The following DAPK3 variants were observed in gnomAD, a reference collection of about 807,000 sequenced individuals.
DAPK3 encodes death associated protein kinase 3.
DAPK3 carries 24 observed loss-of-function variants against 30.6 expected under a neutral mutation model. The ratio of observed to expected loss-of-function variants is 0.78; its 90% CI spans 0.57 to 1.10. The LOEUF is 1.10. DAPK3 is among the 50% of genes least tolerant of loss of function. The pLI, the probability that DAPK3 is intolerant of heterozygous loss-of-function variation, is 0.00. For synonymous variants in DAPK3, 341 were observed against 284.0 expected (o/e 1.20, Z -2.02); for missense variants, 629 against 657.3 (o/e 0.96, Z 0.47).
At chr19:3,960,320 G>A (rs576388981) in intron 7 of DAPK3, among the ~76,000 whole-genome samples, 6 of 152,248 alleles carry the variant, frequency 3.9e-5, no homozygotes, top group South Asian at 2.1e-4. Flanking sequence ...AAACCCAGGC[G>A]CCCGAGAGAG....
rs756412195 is a variant in DAPK3, at chr19:3,965,003, G to A, written c.63-12C>T. The A allele has an allele frequency of 4.5e-6, 7 of 1,551,888 alleles. 1 individual carries two copies. The South Asian group carries it at 6.7e-5, about 15-fold the overall frequency. On this transcript the variant is annotated splice_polypyrimidine_tract_variant and intron_variant, in intron 2 of 8. Transcript: ENST00000545797. ...TCGCAAACTGGCCGCTGGAGGAGGGGGAGGGAGTGAGTGGGGGTGGAGGAG... is the reference window on the plus strand; with the variant it reads ...TCGCAAACTGGCCGCTGGAGGAGGGAGAGGGAGTGAGTGGGGGTGGAGGAG...
intron 8 of DAPK3, 53 bp downstream of exon 8, chr19:3,960,006 A>T (rs2039487662): frequency 1.0e-6 from 1 of 1,003,472 alleles, no homozygotes. Flanking sequence ...CCGGGACCCC[A>T]GCGAGAAGGC....
chr19:3,961,385 T>C, intron 6 of DAPK3: 1 of 690,288 alleles, frequency 1.4e-6, no homozygotes, highest in Non-Finnish European at 2.8e-6. Flanking sequence ...GCAGCAGAAA[T>C]GAACAGGCAG....
At position 3,964,946 on chromosome 19, in the gene DAPK3, G is replaced by C. The variant is rs2039560990; in HGVS notation, c.108C>G (p.Gly36=). Residue 36 remains glycine (G), a synonymous_variant, in exon 3 of 9, where the codon GGC becomes GGG. Transcript: ENST00000545797. ...IVRKCRQKGT[G]KEYAAKFIKK... ...TGATGAACTTGGCTGCGTACTCCTT[G>C]CCCGTGCCCTTCTGCCGGCACTTCC... The C allele has an allele frequency of 2.5e-6, 4 of 1,611,618 alleles. No homozygotes were observed. In the African/African-American group the frequency reaches 5.3e-5, roughly 22 times the overall value.
intron 6 of DAPK3, among the ~76,000 whole-genome samples, chr19:3,962,589 G>A (rs371877904): frequency 2.3e-4 from 35 of 152,072 alleles, no homozygotes; most frequent in South Asian, 1.0e-3. Context: ...CAGCCTGACC[G>A]AAATGGTGAA....
intron 2 of DAPK3, among the ~76,000 whole-genome samples, chr19:3,966,726 C>G (rs1273191698): frequency 6.6e-6 from 1 of 152,190 alleles, no homozygotes; most frequent in Non-Finnish European, 1.5e-5. Flanking sequence ...ACCTGGACAA[C>G]CTGGTTCTGT....
At position 3,968,675 on chromosome 19, in the gene DAPK3, G is replaced by A. The variant is rs1390483190; in HGVS notation, c.62+999C>T. Among the ~76,000 whole-genome samples the A allele has an allele frequency of 6.6e-5, 10 of 152,308 alleles. No individual in the cohort carries two copies. The East Asian group carries it at 1.5e-3, about 24-fold the overall frequency. On this transcript the variant is annotated intron_variant, in intron 2 of 8. Transcript: ENST00000545797. ...AGGGGTCAACACTGAAGCATGAGAA[G>A]GGGGAGGAGGGAGCATGCTTTCTCT...
In DAPK3 at chr19:3,963,888, GC is replaced by G; in HGVS notation, c.584del (p.Gly195AlafsTer17). ...APEIVNYEPL[G>X]LEADMWSIGV... Reference sequence around the variant, plus strand: ...ACACTCACCACATGTCCGCCTCCAGGCCCAGCGGCTCATAGTTCACAATCTC... The same window carrying G: ...ACACTCACCACATGTCCGCCTCCAGGCCAGCGGCTCATAGTTCACAATCTC... On this transcript the variant is annotated frameshift_variant, in exon 5 of 9. Transcript: ENST00000545797. LOFTEE classifies it high-confidence loss of function. The G allele has an allele frequency of 6.2e-7, 1 of 1,603,476 alleles. No homozygotes were observed. Among genetic ancestry groups the G allele is most frequent in the Admixed American group, 1.7e-5 (1 of 59,656 alleles).
Position 3,969,831 on chromosome 19 carries a change from T to C in DAPK3, c.-94-2A>G, listed in dbSNP as rs2039616468. On this transcript the variant is annotated splice_acceptor_variant, in intron 1 of 8. Transcript: ENST00000545797. LOFTEE classifies it low-confidence loss of function (5UTR_SPLICE). ...CTCAGGAGTCCCCTAATGGCAACCC[T>C]GGAGAAGACAGGGAAAGACAGAAGT... 1.2e-6 allele frequency: 1 copy of C among 809,306 alleles called. No homozygotes were observed. The highest frequency in any genetic ancestry group is 1.4e-5 in the South Asian group (1 of 70,924). The allele number at this position is 809,306 out of a possible 1,614,324, so 50.1% of individuals were successfully genotyped here.
Position 3,963,050 on chromosome 19 carries a change from A to G in DAPK3, c.629+593T>C, listed in dbSNP as rs530440644. Among the ~76,000 whole-genome samples the G allele has an allele frequency of 3.0e-4, 45 of 151,970 alleles. No homozygotes were observed. In the South Asian group the frequency reaches 8.9e-3, roughly 30 times the overall value. On this transcript the variant is annotated intron_variant, in intron 6 of 8. Transcript: ENST00000545797. ...CTGGGAGGTGGGGGTTGCAGTGAGC[A>G]GCTGAGATCGCACCACTGCACTCCA...
At chr19:3,964,574 C>CCCCCAA in intron 3 of DAPK3, 57 bp downstream of exon 3, 1 of 1,483,572 alleles carries the variant, frequency 6.7e-7, no homozygotes, top group Non-Finnish European at 9.1e-7. Flanking sequence ...CTCTTCCCCG[C>CCCCCAA]CCCATCCCCA....
chr19:3,961,295 G>A, intron 6 of DAPK3, 134 bp from the exon 7 acceptor site: 2 of 765,360 alleles, frequency 2.6e-6, no homozygotes, highest in Non-Finnish European at 4.6e-6. Flanking sequence ...ACACTCCTGA[G>A]CCCTTAGAAC....
chr19:3,961,959 T>C lies in DAPK3; in HGVS notation c.630-798A>G, dbSNP rs911440646. The C allele has an allele frequency of 7.3e-5, 12 of 164,118 alleles. No homozygotes were observed. In the East Asian group the frequency reaches 1.7e-3, roughly 23 times the overall value. 10.2% of individuals were successfully genotyped at this position (164,118 alleles called of 1,614,324 possible). A position where few individuals can be genotyped will look rare whatever the true frequency, so the allele number is the denominator to read the frequency against. On this transcript the variant is annotated intron_variant, in intron 6 of 8. Transcript: ENST00000545797. ...CTGCAAACTCCATCTCCTGGGTTCA[T>C]GCCATTCTCCTGCCTCAGCCTCCTG...
At chr19:3,962,429 C>T (rs918737588) in intron 6 of DAPK3, among the ~76,000 whole-genome samples, 1 of 152,190 alleles carries the variant, frequency 6.6e-6, no homozygotes, top group Non-Finnish European at 1.5e-5. Flanking sequence ...ATGAGCTATG[C>T]CCATTCAATA....
chr19:3,959,548 G>A lies in DAPK3; in HGVS notation c.918C>T (p.Thr306=), dbSNP rs993029019. 15 of 1,580,326 alleles carry A rather than the reference G, an allele frequency of 9.5e-6. No individual in the cohort carries two copies. In the East Asian group the frequency reaches 2.7e-4, roughly 29 times the overall value. The stretch of plus-strand genomic sequence containing the variant: ...GCGGCAAGCTGGAGTGCGACTTGAT[G>A]GTGTACTCCTTCAGACGCGTGGTCT... The part of the protein sequence containing the change: ...RLKTTRLKEY[T]IKSHSSLPPN... Residue 306 remains threonine (T), a synonymous_variant, in exon 9 of 9, where the codon ACC becomes ACT. Coordinates refer to ENST00000545797, the MANE Select transcript of DAPK3 (RefSeq NM_001348.3).
chr19:3,969,645 G>C (rs750128827), intron 2 of DAPK3, 29 bp downstream of exon 2: 1 of 1,495,998 alleles, frequency 6.7e-7, no homozygotes. Flanking sequence ...CCTATCCCTG[G>C]AGCCCAGCCG....
At chr19:3,965,806 AG>A in intron 2 of DAPK3, among the ~76,000 whole-genome samples, 1 of 151,942 alleles carries the variant, frequency 6.6e-6, no homozygotes, top group East Asian at 1.9e-4. Context: ...CTGGGACTAC[AG>A]GCACATACCA....
chr19:3,965,947 C>T (rs748281514), intron 2 of DAPK3, among the ~76,000 whole-genome samples: 3 of 152,008 alleles, frequency 2.0e-5, no homozygotes, highest in Non-Finnish European at 4.4e-5. Flanking sequence ...CACTACCACA[C>T]CTGATTTATT....
At position 3,959,297 on chromosome 19, in the gene DAPK3, G is replaced by A. The variant is rs758239546; in HGVS notation, c.1169C>T (p.Ala390Val). 7 of 1,596,064 alleles carry A rather than the reference G, an allele frequency of 4.4e-6. No individual in the cohort carries two copies. Among genetic ancestry groups the A allele is most frequent in the East Asian group, 4.5e-5 (2 of 44,716 alleles). Reference sequence around the variant, plus strand: ...CTCCTCCTGCGCCTGCCGCTTGAGCGCCTCGGTCTTGAGCAGCTCCTGCCG... The same window carrying A: ...CTCCTCCTGCGCCTGCCGCTTGAGCACCTCGGTCTTGAGCAGCTCCTGCCG... ...RLRQELLKTE[A>V]LKRQAQEEAK... Residue 390 changes from alanine (A) to valine (V), a missense_variant, in exon 9 of 9, where the codon GCG becomes GTG. Physicochemically the swap from Ala to Val is moderately conservative, Grantham distance 64. Transcript: ENST00000545797.
Sources: allele counts gnomAD v4.1 joint callset (sites outside exome capture counted in the v4.1 genomes callset), GRCh38; gene constraint gnomAD v4.1.1; transcripts MANE v1.5; gene names NCBI Gene and HGNC (gene_info 2026-07-23, HGNC 2026-07-21).